The following GABRB1 variants were observed in gnomAD, a reference collection of about 807,000 sequenced individuals.
The protein encoded by GABRB1 is gamma-aminobutyric acid receptor subunit beta-1.
GABRB1 carries 17 observed loss-of-function variants against 51.6 expected under a neutral mutation model. The ratio of observed to expected loss-of-function variants is 0.33; its 90% confidence interval spans 0.23 to 0.49. GABRB1 has a LOEUF of 0.49. Among genes scored for constraint, GABRB1 ranks in the 20% least tolerant of loss-of-function variants. The pLI, the probability that GABRB1 is intolerant of heterozygous loss-of-function variation, is 0.99. For synonymous variants in GABRB1, 247 were observed against 218.9 expected (o/e 1.13, Z -1.14); for missense variants, 410 against 600.6 (o/e 0.68, Z 3.32).
intron 4 of GABRB1, among the ~76,000 whole-genome samples, chr4:47,297,892 A>AAG (rs1724071235): frequency 3.3e-5 from 5 of 152,324 alleles, no homozygotes; most frequent in Admixed American, 2.6e-4. Context: ...CTTATCCACC[A>AAG]TGATCAAGTG....
intron 4 of GABRB1, among the ~76,000 whole-genome samples, chr4:47,260,154 CT>C (rs1349551036): frequency 2.6e-5 from 4 of 151,960 alleles, no homozygotes; most frequent in African/African-American, 7.2e-5. Context: ...CAACCCCTAC[CT>C]TTTTTTTGTT....
At position 47,052,893 on chromosome 4, in the gene GABRB1, T is replaced by C. The variant is rs185063725; in HGVS notation, c.240+20409T>C. ...AAGCAAGCTGAGATGAGTACAAGTT[T>C]AGTGCTTGCAGTTAATTCTGGTGGA... On this transcript the variant is annotated intron_variant, in intron 3 of 8. Transcript: ENST00000295454. 2.0e-4 allele frequency among the ~76,000 whole-genome samples: 30 copies of C among 152,308 alleles called. No individual in the cohort carries two copies. The East Asian group carries it at 5.8e-3, about 29-fold the overall frequency.
In GABRB1 at chr4:47,406,731, G is replaced by C; in HGVS notation, c.885G>C (p.Glu295Asp). Residue 295 changes from glutamate to aspartate, a missense_variant, in exon 8 of 9, where the codon GAG (glutamate) becomes GAC (aspartate). Coordinates refer to ENST00000295454, the MANE Select transcript of GABRB1 (RefSeq NM_000812.4). ...TMTTISTHLR[E>D]TLPKIPYVKA... The stretch of plus-strand genomic sequence containing the variant: ...CAACCATCAGCACCCACCTCAGGGA[G>C]ACCCTGCCAAAGATCCCTTATGTCA... The C allele has an allele frequency of 1.9e-6, 3 of 1,614,162 alleles. No homozygotes were observed. Among genetic ancestry groups the C allele is most frequent in the Non-Finnish European group, 2.5e-6 (3 of 1,179,998 alleles).
At chr4:47,070,746 T>A (rs1019881085) in intron 3 of GABRB1, among the ~76,000 whole-genome samples, 1 of 152,192 alleles carries the variant, frequency 6.6e-6, no homozygotes, top group Non-Finnish European at 1.5e-5. Context: ...ACTGATTATC[T>A]CCTAATGTCT....
chr4:47,354,282 A>G (rs551494006), intron 5 of GABRB1, among the ~76,000 whole-genome samples: 3 of 152,254 alleles, frequency 2.0e-5, no homozygotes, highest in South Asian at 2.1e-4. Flanking sequence ...ACAATTTTTT[A>G]TTATACTTAT....
chr4:47,369,421 T>C (rs188843209), intron 5 of GABRB1, among the ~76,000 whole-genome samples: 3 of 132,902 alleles, frequency 2.3e-5, no homozygotes. Context: ...TTCACTTTTC[T>C]TTTCTTTCTA....
intron 4 of GABRB1, among the ~76,000 whole-genome samples, chr4:47,240,428 G>A (rs936273290): frequency 2.0e-5 from 3 of 152,088 alleles, no homozygotes; most frequent in African/African-American, 7.2e-5. Flanking sequence ...TGAATAAATG[G>A]GAAATTCCAT....
chr4:47,000,873 T>A (rs962860300), intron 1 of GABRB1, among the ~76,000 whole-genome samples: 1 of 152,194 alleles, frequency 6.6e-6, no homozygotes, highest in African/African-American at 2.4e-5. Context: ...CAGAGCATTA[T>A]CCTATTGGTC....
chr4:47,219,963 CAGA>C (rs1369822911), intron 4 of GABRB1, among the ~76,000 whole-genome samples: 1 of 151,906 alleles, frequency 6.6e-6, no homozygotes, highest in Non-Finnish European at 1.5e-5. Flanking sequence ...TTGAACTCAT[CAGA>C]AGTTTAGAAT....
At chr4:47,304,339 T>C (rs1724371606) in intron 4 of GABRB1, among the ~76,000 whole-genome samples, 1 of 152,056 alleles carries the variant, frequency 6.6e-6, no homozygotes, top group African/African-American at 2.4e-5. Flanking sequence ...TTCTAATGGA[T>C]ATGAGGTAAT....
At chr4:47,039,060 C>T (rs761018141) in intron 3 of GABRB1, among the ~76,000 whole-genome samples, 1 of 151,926 alleles carries the variant, frequency 6.6e-6, no homozygotes, top group Non-Finnish European at 1.5e-5. Flanking sequence ...ATCTATTATT[C>T]ACTACTTGAC....
chr4:47,124,758 A>G (rs1012241734), intron 3 of GABRB1, among the ~76,000 whole-genome samples: 3 of 152,164 alleles, frequency 2.0e-5, no homozygotes, highest in South Asian at 2.1e-4. Flanking sequence ...GACTTGATTA[A>G]GCAGAAGAAT....
At chr4:47,369,133 T>C (rs940678205) in intron 5 of GABRB1, among the ~76,000 whole-genome samples, 26 of 152,148 alleles carry the variant, frequency 1.7e-4, no homozygotes, top group African/African-American at 6.3e-4. Flanking sequence ...TTTTTTAAAG[T>C]TGCTCTTTGT....
At chr4:47,281,048 C>T (rs1723273618) in intron 4 of GABRB1, among the ~76,000 whole-genome samples, 1 of 151,936 alleles carries the variant, frequency 6.6e-6, no homozygotes, top group South Asian at 2.1e-4. Flanking sequence ...CATTCCATTT[C>T]TTTCTGGGCT....
At chr4:47,335,641 T>C (rs548108834) in intron 5 of GABRB1, among the ~76,000 whole-genome samples, 16 of 152,320 alleles carry the variant, frequency 1.1e-4, no homozygotes, top group African/African-American at 3.8e-4. Context: ...GATACCAGGT[T>C]ATAATGTTAC....
At chr4:47,256,445 T>G (rs553596264) in intron 4 of GABRB1, among the ~76,000 whole-genome samples, 22 of 152,350 alleles carry the variant, frequency 1.4e-4, no homozygotes, top group African/African-American at 5.3e-4. Context: ...TATTTTGCAT[T>G]TAATCCCTGT....
chr4:47,159,300 G>GA (rs1235898891), intron 3 of GABRB1, among the ~76,000 whole-genome samples: 1 of 151,010 alleles, frequency 6.6e-6, no homozygotes, highest in Non-Finnish European at 1.5e-5. Context: ...GAAGAGAAAA[G>GA]AAAAAAAAGA....
At chr4:47,347,275 A>G (rs1055823651) in intron 5 of GABRB1, among the ~76,000 whole-genome samples, 4 of 151,922 alleles carry the variant, frequency 2.6e-5, no homozygotes, top group Non-Finnish European at 5.9e-5. Flanking sequence ...GCAAAACTCC[A>G]TCTCACAGAT....
chr4:47,218,575 C>T (rs1418545742), intron 4 of GABRB1, among the ~76,000 whole-genome samples: 1 of 151,764 alleles, frequency 6.6e-6, no homozygotes, highest in Non-Finnish European at 1.5e-5. Flanking sequence ...TTACATTTCT[C>T]TGATGATTAT....
Sources: gnomAD v4.1 joint callset for allele counts (sites outside exome capture counted in the v4.1 genomes callset) on GRCh38, gnomAD v4.1.1 for gene constraint, MANE v1.5 for transcripts, NCBI Gene and HGNC (gene_info 2026-07-23, HGNC 2026-07-21) for gene names.